PAM: variants seen among roughly 807,000 people sequenced by gnomAD.
PAM encodes peptidylglycine alpha-amidating monooxygenase.
PAM carries 72 observed loss-of-function variants against 122.1 expected under a neutral mutation model. The ratio of observed to expected loss-of-function variants is 0.59; its 90% CI spans 0.49 to 0.72. PAM has a LOEUF of 0.72. PAM is among the 30% of genes least tolerant of loss of function. The pLI is 0.00. For synonymous variants in PAM, 389 were observed against 404.4 expected, an observed-to-expected ratio of 0.96 and a Z score of 0.46; for missense variants, 1,106 against 1,183.7, an observed-to-expected ratio of 0.93 and a Z score of 0.96.
chr5:102,855,126 G>T (rs1195796734), intron 1 of PAM, among the ~76,000 whole-genome samples: 1 of 152,074 alleles, frequency 6.6e-6, no homozygotes, highest in Non-Finnish European at 1.5e-5. Flanking sequence ...ATCTAGTTGA[G>T]ATGAATTGAG....
intron 1 of PAM, among the ~76,000 whole-genome samples, chr5:102,780,759 CTTTCTTTCTTTCTT>C (rs1758576314): frequency 7.3e-5 from 2 of 27,216 alleles, no homozygotes; most frequent in African/African-American, 1.5e-4. Context: ...CTTTCTCTTT[CTTTCTTTCTTTCTT>C]TCTTTCTTTC....
rs11950377 is a variant in PAM at position 102,973,603 on chromosome 5, T to C, written c.1163-513T>C. Among the ~76,000 whole-genome samples, 1,185 of 152,298 alleles carry C rather than the reference T, an allele frequency of 7.8e-3. 21 individuals carry two copies. Among genetic ancestry groups the C allele is most frequent in the African/African-American group, 0.026 (1,079 of 41,570 alleles). On this transcript the variant is annotated intron_variant, in intron 14 of 25. Transcript: ENST00000438793. ...CTGCTAACAAAATAATAATAAAATT[T>C]AGGTTTCCCAGTTGTCAAATGGATA...
At chr5:102,769,960 G>A (rs1403933833) in intron 1 of PAM, among the ~76,000 whole-genome samples, 3 of 151,894 alleles carry the variant, frequency 2.0e-5, no homozygotes, top group Non-Finnish European at 2.9e-5. Flanking sequence ...ACATTTTACC[G>A]ATATTGATTC....
At chr5:102,819,629 TA>T (rs2150304572) in intron 1 of PAM, among the ~76,000 whole-genome samples, 1 of 152,228 alleles carries the variant, frequency 6.6e-6, no homozygotes, top group East Asian at 1.9e-4. Context: ...AAAATAGAAA[TA>T]TTTTTGAGAG....
chr5:102,895,453 GTGAA>G (rs1355375872), intron 3 of PAM, among the ~76,000 whole-genome samples: 1 of 151,684 alleles, frequency 6.6e-6, no homozygotes, highest in Non-Finnish European at 1.5e-5. Flanking sequence ...TGTTTGCTAA[GTGAA>G]TGAATGGATG....
chr5:102,901,763 T>C (rs1797993058), intron 4 of PAM, among the ~76,000 whole-genome samples: 2 of 151,526 alleles, frequency 1.3e-5, no homozygotes, highest in South Asian at 4.1e-4. Flanking sequence ...TGGTTCATGC[T>C]ATAAATCGAC....
At chr5:102,869,054 A>C (rs1346867597) in intron 3 of PAM, among the ~76,000 whole-genome samples, 1 of 152,198 alleles carries the variant, frequency 6.6e-6, no homozygotes, top group Non-Finnish European at 1.5e-5. Flanking sequence ...CATGCAGTGC[A>C]TATTTGCTGG....
At chr5:103,015,869 C>G (rs558490827) in intron 21 of PAM, among the ~76,000 whole-genome samples, 1 of 152,134 alleles carries the variant, frequency 6.6e-6, no homozygotes, top group Non-Finnish European at 1.5e-5. Context: ...AAGCAAAGTT[C>G]TTAGCCAGTG....
At chr5:102,805,208 C>G (rs1399388580) in intron 1 of PAM, among the ~76,000 whole-genome samples, 1 of 151,460 alleles carries the variant, frequency 6.6e-6, no homozygotes, top group Non-Finnish European at 1.5e-5. Context: ...GTAGCTGGGA[C>G]TACAAGCACG....
At chr5:102,830,611 G>A (rs1231428594) in intron 1 of PAM, among the ~76,000 whole-genome samples, 1 of 152,202 alleles carries the variant, frequency 6.6e-6, no homozygotes, top group Non-Finnish European at 1.5e-5. Context: ...GTCTTTGAAG[G>A]AGGTTTGATA....
At chr5:102,913,913 T>TGTATGTGAATACAA in intron 4 of PAM, 21 bp from the exon 5 acceptor site, 9 of 1,353,508 alleles carry the variant, frequency 6.6e-6, no homozygotes, top group Non-Finnish European at 9.5e-6. Flanking sequence ...TTCACATACA[T>TGTATGTGAATACAA]GTATTATTTT....
At chr5:102,780,629 G>A (rs533654079) in intron 1 of PAM, among the ~76,000 whole-genome samples, 35 of 152,130 alleles carry the variant, frequency 2.3e-4, no homozygotes, top group African/African-American at 7.7e-4. Context: ...CTTGCTGGCA[G>A]CTCTCCCCAC....
chr5:102,848,860 A>G (rs1338720539), intron 1 of PAM, among the ~76,000 whole-genome samples: 1 of 152,216 alleles, frequency 6.6e-6, no homozygotes, highest in East Asian at 1.9e-4. Flanking sequence ...ATAAATGTGG[A>G]ACAGAAATTG....
At chr5:103,021,062 C>T (rs74377317) in intron 23 of PAM, among the ~76,000 whole-genome samples, 6,253 of 152,186 alleles carry the variant, frequency 0.041, 427 homozygotes, top group African/African-American at 0.14. Context: ...CTATCACTTA[C>T]AGAGCAGAAA....
chr5:102,853,218 T>C lies in PAM; in HGVS notation c.-373-12605T>C, dbSNP rs142721971. On this transcript the variant is annotated intron_variant, in intron 1 of 25. Transcript: ENST00000438793. ...TTTCCTAATAATCCTGACATAACAT[T>C]GATTATTCCCTTGGAATACAAATTG... Among the ~76,000 whole-genome samples, 202 of 152,322 alleles carry C rather than the reference T, an allele frequency of 1.3e-3. 2 individuals are homozygous for C. Among genetic ancestry groups the C allele is most frequent in the African/African-American group, 4.8e-3 (199 of 41,576 alleles).
At chr5:102,846,850 T>G (rs1780081076) in intron 1 of PAM, among the ~76,000 whole-genome samples, 1 of 152,236 alleles carries the variant, frequency 6.6e-6, no homozygotes, top group Non-Finnish European at 1.5e-5. Context: ...TTTGGCTTAC[T>G]CTAATGTCAA....
chr5:102,963,694 T>C (rs1384701087), intron 14 of PAM, among the ~76,000 whole-genome samples: 1 of 151,808 alleles, frequency 6.6e-6, no homozygotes, highest in Admixed American at 6.6e-5. Flanking sequence ...AGAAAAGACT[T>C]GAACCATCGA....
chr5:102,930,818 A>G (rs6872442), intron 7 of PAM, among the ~76,000 whole-genome samples: 1 of 152,000 alleles, frequency 6.6e-6, no homozygotes. Context: ...ATGACTTTTT[A>G]AAAAATGTAT....
At chr5:102,883,446 T>C (rs527425115) in intron 3 of PAM, among the ~76,000 whole-genome samples, 10 of 152,198 alleles carry the variant, frequency 6.6e-5, no homozygotes, top group South Asian at 2.1e-4. Context: ...GTTAAATATA[T>C]TCCTAAGTAT....
Sources: allele counts gnomAD v4.1 joint callset (sites outside exome capture counted in the v4.1 genomes callset), GRCh38; gene constraint gnomAD v4.1.1; transcripts MANE v1.5; gene names NCBI Gene and HGNC (gene_info 2026-07-23, HGNC 2026-07-21).